CYFIP1: variants seen among roughly 807,000 people sequenced by gnomAD.
CYFIP1 encodes cytoplasmic FMR1 interacting protein 1.
A neutral mutation model predicts 163.5 loss-of-function variants in CYFIP1; 58 were observed. The observed-to-expected ratio is 0.35, with a 90% confidence interval of 0.29 to 0.44. CYFIP1 has a LOEUF of 0.44. Ranked by LOEUF, CYFIP1 falls within the 20% of genes least tolerant of loss-of-function variation. The probability of loss-of-function intolerance (pLI) is 1.00; values close to 1 mark genes in which losing one functional copy is unlikely to be tolerated. For missense variants in CYFIP1, 1,338 were observed against 1,653.8 expected (o/e 0.81, Z 3.31); for synonymous variants, 663 against 660.7 (o/e 1.00, Z -0.05).
At chr15:22,907,251 G>A (rs1327701582) in intron 21 of CYFIP1, among the ~76,000 whole-genome samples, 1 of 152,122 alleles carries the variant, frequency 6.6e-6, no homozygotes, top group African/African-American at 2.4e-5. Flanking sequence ...TTCTCTGTAG[G>A]CCACCAGCCT....
intron 30 of CYFIP1, among the ~76,000 whole-genome samples, chr15:22,870,921 T>TA (rs1246724794): frequency 6.6e-6 from 1 of 152,184 alleles, no homozygotes; most frequent in African/African-American, 2.4e-5. Flanking sequence ...ATTAAGAACA[T>TA]ACACGCAAAC....
intron 1 of CYFIP1, among the ~76,000 whole-genome samples, chr15:22,956,572 G>C (rs572677474): frequency 1.3e-5 from 2 of 152,240 alleles, no homozygotes; most frequent in African/African-American, 4.8e-5. Context: ...AACCGGCCTT[G>C]GACACCAGAC....
intron 8 of CYFIP1, among the ~76,000 whole-genome samples, 155 bp from the exon 9 acceptor site, chr15:22,937,363 T>C (rs1269491353): frequency 6.6e-6 from 1 of 152,118 alleles, no homozygotes; most frequent in African/African-American, 2.4e-5. Flanking sequence ...GTGCTTGAAA[T>C]GCATCATTTT....
intron 1 of CYFIP1, 159 bp from the exon 2 acceptor site, chr15:22,947,450 T>A: frequency 2.0e-6 from 2 of 991,768 alleles, no homozygotes; most frequent in Non-Finnish European, 2.9e-6. Flanking sequence ...GTTGCGTGTC[T>A]CTCTCAGGGC....
chr15:22,899,309 A>T (rs2060325850), intron 22 of CYFIP1, among the ~76,000 whole-genome samples: 1 of 152,242 alleles, frequency 6.6e-6, no homozygotes, highest in African/African-American at 2.4e-5. Flanking sequence ...AAATATCAGT[A>T]TAAACTTATA....
At chr15:22,926,167 T>A in intron 12 of CYFIP1, 60 bp from the exon 13 acceptor site, 1 of 1,608,084 alleles carries the variant, frequency 6.2e-7, no homozygotes, top group South Asian at 1.1e-5. Flanking sequence ...TGGCTTCTGG[T>A]CTGACTCACA....
intron 18 of CYFIP1, 68 bp downstream of exon 18, chr15:22,912,107 TGGGA>T (rs1278585626): frequency 1.6e-5 from 22 of 1,349,032 alleles, no homozygotes; most frequent in Non-Finnish European, 2.3e-5. Flanking sequence ...GTTGAATACT[TGGGA>T]GAAAACAAAA....
intron 26 of CYFIP1, among the ~76,000 whole-genome samples, chr15:22,879,636 T>C (rs1009297465): frequency 1.3e-5 from 2 of 150,062 alleles, no homozygotes; most frequent in Non-Finnish European, 3.0e-5. Flanking sequence ...ACACCAAATA[T>C]GTTCATTTAG....
intron 23 of CYFIP1, among the ~76,000 whole-genome samples, chr15:22,888,734 A>AG (rs2059989632): frequency 2.0e-5 from 1 of 51,168 alleles, no homozygotes; most frequent in Admixed American, 3.4e-4. Context: ...ACCCTGTCTC[A>AG]AAAAAAAAAA....
chr15:22,912,140 T>G (rs1336859006), intron 18 of CYFIP1, 39 bp downstream of exon 18: 2 of 1,517,348 alleles, frequency 1.3e-6, no homozygotes, highest in Admixed American at 3.7e-5. Context: ...GAGATTTAAT[T>G]GAAGGAAATG....
chr15:22,878,028 CCT>C (rs1317954059), intron 26 of CYFIP1, among the ~76,000 whole-genome samples: 2 of 152,244 alleles, frequency 1.3e-5, no homozygotes, highest in Admixed American at 6.5e-5. Flanking sequence ...CCACCCTCTC[CCT>C]GTTCTTCCCA....
At chr15:22,949,326 C>T (rs11636046) in intron 1 of CYFIP1, among the ~76,000 whole-genome samples, 2 of 151,544 alleles carry the variant, frequency 1.3e-5, no homozygotes, top group Admixed American at 6.6e-5. Flanking sequence ...AAGCCTAAAG[C>T]GGGGAGGTGC....
intron 22 of CYFIP1, among the ~76,000 whole-genome samples, chr15:22,901,223 C>CA (rs1224689998): frequency 1.3e-5 from 2 of 151,104 alleles, no homozygotes; most frequent in Admixed American, 6.6e-5. Context: ...AAAAAAAAAC[C>CA]AAAAAAACAA....
At chr15:22,907,078 C>A (rs1314829426) in intron 21 of CYFIP1, among the ~76,000 whole-genome samples, 2 of 152,170 alleles carry the variant, frequency 1.3e-5, no homozygotes, top group East Asian at 3.9e-4. Context: ...TGATCCTAAC[C>A]CTTACCAGCT....
intron 24 of CYFIP1, among the ~76,000 whole-genome samples, chr15:22,882,561 T>C (rs899803000): frequency 6.6e-6 from 1 of 152,142 alleles, no homozygotes; most frequent in African/African-American, 2.4e-5. Flanking sequence ...CCCCAGCACT[T>C]TGGGAGGCCA....
chr15:22,912,965 G>A (rs1343188400), intron 17 of CYFIP1, among the ~76,000 whole-genome samples: 1 of 152,054 alleles, frequency 6.6e-6, no homozygotes, highest in Non-Finnish European at 1.5e-5. Flanking sequence ...GGTGGATGAG[G>A]CAGGAAGATA....
intron 30 of CYFIP1, among the ~76,000 whole-genome samples, chr15:22,872,365 G>A (rs2059460124): frequency 6.6e-6 from 1 of 151,924 alleles, no homozygotes; most frequent in African/African-American, 2.4e-5. Flanking sequence ...GAATGAGAAG[G>A]TCTAACATAT....
At chr15:22,961,117 C>G (rs1259627735) in intron 1 of CYFIP1, among the ~76,000 whole-genome samples, 3 of 151,978 alleles carry the variant, frequency 2.0e-5, no homozygotes, top group African/African-American at 7.3e-5. Context: ...CGCCTCCTGT[C>G]TTCAAGTGAT....
chr15:22,928,090 G>C, intron 11 of CYFIP1, 62 bp from the exon 12 acceptor site: 1 of 1,427,430 alleles, frequency 7.0e-7, no homozygotes, highest in Non-Finnish European at 9.1e-7. Flanking sequence ...CCCCCATCCC[G>C]GGATCCACCA....
Sources: allele counts gnomAD v4.1 joint callset (sites outside exome capture counted in the v4.1 genomes callset), GRCh38; gene constraint gnomAD v4.1.1; transcripts MANE v1.5; gene names NCBI Gene and HGNC (gene_info 2026-07-23, HGNC 2026-07-21).